Variants in HACE1 observed in about 807,000 individuals in gnomAD.
HACE1 encodes E3 ubiquitin-protein ligase HACE1.
In HACE1, 73 loss-of-function variants were observed where a neutral mutation model predicts 118.4. That is an observed-to-expected ratio of 0.62 (90% confidence interval 0.51 to 0.75). HACE1 has a LOEUF of 0.75. HACE1 is among the 30% of genes least tolerant of loss of function. HACE1 has a pLI of 0.00. For missense variants in HACE1, 749 were observed against 1,102.2 expected (o/e 0.68, Z 4.54); for synonymous variants, 368 against 374.8 (o/e 0.98, Z 0.21).
chr6:104,842,850 G>A (rs1775249374), intron 5 of HACE1, among the ~76,000 whole-genome samples: 2 of 151,974 alleles, frequency 1.3e-5, no homozygotes, highest in South Asian at 2.1e-4. Context: ...GGTGGCTCAC[G>A]CCTATAATCC....
At chr6:104,762,467 C>T (rs1779468399) in intron 19 of HACE1, among the ~76,000 whole-genome samples, 1 of 152,126 alleles carries the variant, frequency 6.6e-6, no homozygotes, top group African/African-American at 2.4e-5. Context: ...CCAAACACTG[C>T]ATGTTCTCAC....
intron 19 of HACE1, among the ~76,000 whole-genome samples, chr6:104,756,631 C>G (rs1582683070): frequency 6.6e-6 from 1 of 152,004 alleles, no homozygotes; most frequent in Admixed American, 6.6e-5. Context: ...GAGACTGACA[C>G]AGAAGATGGG....
At chr6:104,762,989 CAAAAAAAAAA>C (rs56232124) in intron 19 of HACE1, among the ~76,000 whole-genome samples, 62 of 32,272 alleles carry the variant, frequency 1.9e-3, no homozygotes, top group Non-Finnish European at 7.1e-4. Flanking sequence ...GACTCCATCT[CAAAAAAAAAA>C]AAAAAAAAAA....
At chr6:104,763,523 T>C (rs1779635347) in intron 19 of HACE1, among the ~76,000 whole-genome samples, 1 of 152,082 alleles carries the variant, frequency 6.6e-6, no homozygotes, top group African/African-American at 2.4e-5. Context: ...ATCACCATTA[T>C]TCCTGACCAA....
intron 22 of HACE1, among the ~76,000 whole-genome samples, chr6:104,741,817 G>A (rs1205479045): frequency 2.7e-5 from 4 of 146,820 alleles, no homozygotes; most frequent in Non-Finnish European, 6.0e-5. Context: ...CTACTTTAAA[G>A]TTCATATGGA....
At chr6:104,840,285 T>A (rs1319600653) in intron 5 of HACE1, among the ~76,000 whole-genome samples, 1 of 152,220 alleles carries the variant, frequency 6.6e-6, no homozygotes, top group African/African-American at 2.4e-5. Context: ...TTGGCTTAAC[T>A]ATGAATAGTT....
chr6:104,731,273 A>T (rs1775171017), intron 22 of HACE1: 1 of 152,114 alleles, frequency 6.6e-6, no homozygotes, highest in Non-Finnish European at 1.5e-5. Context: ...TGACAAAGGA[A>T]CGTTTAATGT....
chr6:104,822,886 A>G (rs1301522350), intron 6 of HACE1, among the ~76,000 whole-genome samples: 1 of 152,132 alleles, frequency 6.6e-6, no homozygotes, highest in Non-Finnish European at 1.5e-5. Context: ...TATTTTTTAT[A>G]CTGCTTCGTA....
chr6:104,813,647 G>A (rs1771847491), intron 6 of HACE1, among the ~76,000 whole-genome samples: 2 of 137,896 alleles, frequency 1.5e-5, no homozygotes, highest in Admixed American at 7.2e-5. Context: ...ACAGTGTTGA[G>A]ACCAAGAAAC....
intron 6 of HACE1, among the ~76,000 whole-genome samples, chr6:104,821,022 G>A (rs576628034): frequency 7.2e-4 from 109 of 152,236 alleles, no homozygotes; most frequent in African/African-American, 2.6e-3. Flanking sequence ...AAAAGAACGT[G>A]ACAATGTCCT....
rs535155083 is a variant in HACE1 at position 104,770,011 on chromosome 6, A to G, written c.2211+1182T>C. The stretch of plus-strand genomic sequence containing the variant: ...GTGCTTTTCATTTTACAAAATGCTA[A>G]TAACAATTCTGTATGGGAGGTATTA... On this transcript the variant is annotated intron_variant, in intron 19 of 23. Coordinates refer to ENST00000262903, the MANE Select transcript of HACE1 (RefSeq NM_020771.4). Among the ~76,000 whole-genome samples the G allele has an allele frequency of 3.3e-5, 5 of 152,328 alleles. No homozygotes were observed. The South Asian group carries it at 6.2e-4, about 19-fold the overall frequency.
intron 5 of HACE1, among the ~76,000 whole-genome samples, chr6:104,839,717 T>A (rs1433318766): frequency 6.6e-6 from 1 of 152,022 alleles, no homozygotes; most frequent in Non-Finnish European, 1.5e-5. Context: ...CAATTAAAAC[T>A]GAGGAAGGCC....
chr6:104,737,281 T>TG (rs1562255313), intron 22 of HACE1, among the ~76,000 whole-genome samples: 1 of 49,624 alleles, frequency 2.0e-5, no homozygotes, highest in Non-Finnish European at 3.5e-5. Context: ...AGACTCTCTC[T>TG]CAAAAAAAAA....
chr6:104,807,756 ATTAG>A (rs1312616226), intron 7 of HACE1, among the ~76,000 whole-genome samples: 7 of 152,184 alleles, frequency 4.6e-5, no homozygotes, highest in Non-Finnish European at 8.8e-5. Context: ...GAATGAGTTA[ATTAG>A]TTATATAGTT....
intron 20 of HACE1, among the ~76,000 whole-genome samples, chr6:104,747,381 A>T (rs2114537298): frequency 6.6e-6 from 1 of 152,254 alleles, no homozygotes; most frequent in East Asian, 1.9e-4. Flanking sequence ...CCTCCAGTTC[A>T]GTACACTGGA....
chr6:104,757,949 G>C (rs979783224), intron 19 of HACE1, among the ~76,000 whole-genome samples: 4 of 152,102 alleles, frequency 2.6e-5, no homozygotes, highest in African/African-American at 9.7e-5. Context: ...GGATGTCAAT[G>C]ACTGAAGATC....
At chr6:104,859,035 AC>A (rs1777030228) in intron 1 of HACE1, among the ~76,000 whole-genome samples, 1 of 152,190 alleles carries the variant, frequency 6.6e-6, no homozygotes, top group African/African-American at 2.4e-5. Flanking sequence ...TATTGTGTTT[AC>A]CCATACAGTA....
intron 14 of HACE1, among the ~76,000 whole-genome samples, chr6:104,781,655 T>C (rs1233998645): frequency 6.6e-6 from 1 of 152,060 alleles, no homozygotes; most frequent in Non-Finnish European, 1.5e-5. Context: ...ATGTAACCAA[T>C]CTCCAATCAC....
chr6:104,814,015 A>G (rs537863577), intron 6 of HACE1, among the ~76,000 whole-genome samples: 1 of 138,312 alleles, frequency 7.2e-6, no homozygotes, highest in Non-Finnish European at 1.6e-5. Context: ...TTTAAAAAGA[A>G]AATGTTCAGG....
Sources: allele counts gnomAD v4.1 joint callset (sites outside exome capture counted in the v4.1 genomes callset), GRCh38; gene constraint gnomAD v4.1.1; transcripts MANE v1.5; gene names NCBI Gene and HGNC (gene_info 2026-07-23, HGNC 2026-07-21).